Variants in TLR2 observed in about 807,000 individuals in gnomAD.
TLR2 encodes toll like receptor 2.
TLR2 carries 7 observed loss-of-function variants against 9.1 expected under a neutral mutation model. The observed-to-expected ratio is 0.77, with a 90% CI of 0.44 to 1.44. The LOEUF (loss-of-function observed/expected upper bound fraction) is 1.44, where lower values mean the gene tolerates loss of function less well. Ranked by LOEUF, TLR2 falls within the 40% of genes most tolerant of loss-of-function variation. The pLI, the probability that TLR2 is intolerant of heterozygous loss-of-function variation, is 0.01. For missense variants in TLR2, 812 were observed against 904.6 expected (o/e 0.90, Z 1.31); for synonymous variants, 317 against 344.6 (o/e 0.92, Z 0.89).
chr4:153,704,116 A>G lies in TLR2; in HGVS notation c.1209A>G (p.Glu403=), dbSNP rs1737139418. ...GGCAAAATCATTTGGCATCATTGGA[A>G]AAAACCGGAGAGACTTTGCTCACTC... ...ILRQNHLASL[E]KTGETLLTLK... The change falls in exon 3 of 3, where the codon GAA becomes GAG. Residue 403 remains glutamate (E), a synonymous_variant. Transcript: ENST00000642700. 2 of 1,614,052 alleles carry G rather than the reference A, an allele frequency of 1.2e-6. No individual in the cohort carries two copies. Among genetic ancestry groups the G allele is most frequent in the South Asian group, 1.1e-5 (1 of 91,036 alleles).
rs1737220901 is a variant in TLR2, at chr4:153,704,844, C to G, written c.1937C>G (p.Ser646Cys). The G allele has an allele frequency of 6.2e-7, 1 of 1,614,114 alleles. No homozygotes were observed. The highest frequency in any genetic ancestry group is 8.5e-7 in the Non-Finnish European group (1 of 1,180,024). ...AACATCTGCTATGATGCATTTGTTT[C>G]TTACAGTGAGCGGGATGCCTACTGG... Reference protein sequence around the residue: ...SRNICYDAFVSYSERDAYWVE... With the variant: ...SRNICYDAFVCYSERDAYWVE... Residue 646 changes from serine to cysteine, a missense_variant, in exon 3 of 3, where the codon TCT (serine) becomes TGT (cysteine). Physicochemically the swap from Ser to Cys is moderately radical, Grantham distance 112. Coordinates refer to ENST00000642700, the MANE Select transcript of TLR2 (RefSeq NM_001318789.2).
rs532965665 is a variant in TLR2, at chr4:153,685,163, T to C, written c.-163+803T>C. ...TCATTCTTAGGATGTGTGAGTTAGG[T>C]CTCTGATTAGAAAACAACTTACAGC... On this transcript the variant is annotated intron_variant, in intron 1 of 2. Coordinates refer to ENST00000642700, the MANE Select transcript of TLR2 (RefSeq NM_001318789.2). Among the ~76,000 whole-genome samples, 5 of 152,326 alleles carry C rather than the reference T, an allele frequency of 3.3e-5. No homozygotes were observed. The South Asian group carries it at 1.0e-3, about 32-fold the overall frequency.
intron 2 of TLR2, among the ~76,000 whole-genome samples, chr4:153,700,359 T>G (rs1249193702): frequency 6.6e-6 from 1 of 152,142 alleles, no homozygotes; most frequent in Non-Finnish European, 1.5e-5. Flanking sequence ...CGAATAGAAA[T>G]AAATCTCACA....
intron 2 of TLR2, among the ~76,000 whole-genome samples, chr4:153,692,749 A>G (rs1483956203): frequency 1.3e-5 from 2 of 152,150 alleles, no homozygotes; most frequent in Admixed American, 1.3e-4. Context: ...AGAAGTTATA[A>G]TTTTTTGTAT....
chr4:153,696,384 C>G (rs1366612857), intron 2 of TLR2, among the ~76,000 whole-genome samples: 1 of 152,030 alleles, frequency 6.6e-6, no homozygotes, highest in African/African-American at 2.4e-5. Context: ...TTTCTTTCAT[C>G]AGTGTTTATA....
intron 2 of TLR2, among the ~76,000 whole-genome samples, chr4:153,693,906 G>A (rs1227226643): frequency 1.3e-5 from 2 of 152,118 alleles, no homozygotes; most frequent in Non-Finnish European, 2.9e-5. Flanking sequence ...GAGTCCCCAC[G>A]TTGGGCGCCA....
In TLR2 at chr4:153,703,508, A is replaced by T. The variant is rs1447073592; in HGVS notation, c.601A>T (p.Ser201Cys). ...PKSLKSIQNV[S>C]HLILHMKQHI... ...AAGTTTGAAGTCAATTCAGAATGTAAGTCATCTGATCCTTCATATGAAGCA... is the reference window on the plus strand; with the variant it reads ...AAGTTTGAAGTCAATTCAGAATGTATGTCATCTGATCCTTCATATGAAGCA... Residue 201 changes from serine (S) to cysteine (C), a missense_variant, in exon 3 of 3, where the codon AGT (serine) becomes TGT (cysteine). Physicochemically the swap from Ser to Cys is moderately radical, Grantham distance 112. Transcript: ENST00000642700. The T allele has an allele frequency of 6.2e-7, 1 of 1,613,926 alleles. No homozygotes were observed. The highest frequency in any genetic ancestry group is 1.1e-5 in the South Asian group (1 of 91,020).
In TLR2 at chr4:153,700,971, G is replaced by C. The variant is rs78902846; in HGVS notation, c.-16-1921G>C. Among the ~76,000 whole-genome samples, 772 of 151,978 alleles carry C rather than the reference G, an allele frequency of 5.1e-3. 7 individuals carry two copies. Among genetic ancestry groups the C allele is most frequent in the African/African-American group, 0.018 (741 of 41,444 alleles). On this transcript the variant is annotated intron_variant, in intron 2 of 2. Coordinates refer to ENST00000642700, the MANE Select transcript of TLR2 (RefSeq NM_001318789.2). ...TCTGCTACCTCAAATATCAACCCCAGGTAGATTATAGATCTAAAAGTGAAA... is the reference window on the plus strand; with the variant it reads ...TCTGCTACCTCAAATATCAACCCCACGTAGATTATAGATCTAAAAGTGAAA...
downstream of TLR2, among the ~76,000 whole-genome samples, chr4:153,706,961 G>A (rs1379785380): frequency 2.0e-5 from 3 of 152,156 alleles, no homozygotes; most frequent in African/African-American, 4.8e-5. Flanking sequence ...AGAGTACCAC[G>A]CCTAAGAGAA....
rs1348215727 is a variant in TLR2 at position 153,684,318 on chromosome 4, GCTGCTCGGCGTTCTCTCAGGTGA to G, written c.-196_-174del. The G allele has an allele frequency of 3.8e-5, 4 of 104,778 alleles. No homozygotes were observed. The highest frequency in any genetic ancestry group is 1.2e-4 in the African/African-American group (3 of 25,072). 6.5% of individuals were successfully genotyped at this position (104,778 alleles called of 1,614,324 possible). On this transcript the variant is annotated 5_prime_UTR_variant, in exon 1 of 3. Coordinates refer to ENST00000642700, the MANE Select transcript of TLR2 (RefSeq NM_001318789.2). Reference sequence around the variant, plus strand: ...GGCAGCGAGAAAGCGCAGCCAGGCGGCTGCTCGGCGTTCTCTCAGGTGACTGCTCGGAGTTCTCCCAGGTACGT... The same window carrying G: ...GGCAGCGAGAAAGCGCAGCCAGGCGGCTGCTCGGAGTTCTCCCAGGTACGT...
At chr4:153,700,468 G>A (rs1043367022) in intron 2 of TLR2, among the ~76,000 whole-genome samples, 3 of 152,238 alleles carry the variant, frequency 2.0e-5, no homozygotes, top group Admixed American at 2.0e-4. Context: ...CTCATGGATT[G>A]GAAGATTCAA....
chr4:153,707,390 A>C (rs761233571), downstream of TLR2, among the ~76,000 whole-genome samples: 5 of 152,092 alleles, frequency 3.3e-5, no homozygotes, highest in African/African-American at 7.2e-5. Context: ...TCTACCAAAA[A>C]ATACAAAATA....
rs1737108338 is a variant in TLR2 at position 153,703,782 on chromosome 4, T to C, written c.875T>C (p.Val292Ala). The change falls in exon 3 of 3, where the codon GTT (valine) becomes GCT (alanine). Residue 292 changes from valine (V) to alanine (A), a missense_variant. Coordinates refer to ENST00000642700, the MANE Select transcript of TLR2 (RefSeq NM_001318789.2). ...LEFDDCTLNG[V>A]GNFRASDNDR... ...TTTGATGACTGTACCCTTAATGGAGTTGGTAATTTTAGAGCATCTGATAAT... is the reference window on the plus strand; with the variant it reads ...TTTGATGACTGTACCCTTAATGGAGCTGGTAATTTTAGAGCATCTGATAAT... 2 of 1,613,730 alleles carry C rather than the reference T, an allele frequency of 1.2e-6. No individual in the cohort carries two copies. The highest frequency in any genetic ancestry group is 1.7e-5 in the Admixed American group (1 of 59,966).
At chr4:153,689,101 C>T (rs988142858) in intron 2 of TLR2, among the ~76,000 whole-genome samples, 6 of 152,210 alleles carry the variant, frequency 3.9e-5, no homozygotes, top group African/African-American at 1.4e-4. Context: ...ACTCCAGTTC[C>T]TGGCATTAAG....
chr4:153,688,549 C>T (rs575116965), intron 2 of TLR2: 5 of 152,438 alleles, frequency 3.3e-5, no homozygotes, highest in East Asian at 1.9e-4. Flanking sequence ...TAAGCATTAT[C>T]GCTATAGATT....
At chr4:153,685,240 C>G (rs1294740998) in intron 1 of TLR2, among the ~76,000 whole-genome samples, 1 of 152,192 alleles carries the variant, frequency 6.6e-6, no homozygotes, top group Non-Finnish European at 1.5e-5. Context: ...GTGCCCTTTA[C>G]AACTTCTTCA....
In TLR2 at chr4:153,687,977, G is replaced by T. The variant is rs1030668235; in HGVS notation, c.-87G>T. ...ATAGTGACTCCCAGGAGCTCTTAGT[G>T]ACCAAGTGAAGGTACCTGTGGGGCT... On this transcript the variant is annotated 5_prime_UTR_variant, in exon 2 of 3. Coordinates refer to ENST00000642700, the MANE Select transcript of TLR2 (RefSeq NM_001318789.2). 6.6e-6 allele frequency: 1 copy of T among 152,356 alleles called. No homozygotes were observed. Among genetic ancestry groups the T allele is most frequent in the Admixed American group, 6.5e-5 (1 of 15,308 alleles). The allele number at this position is 152,356 out of a possible 1,614,324, so 9.4% of individuals were successfully genotyped here. A position where few individuals can be genotyped will look rare whatever the true frequency, so the allele number is the denominator to read the frequency against.
chr4:153,698,189 A>T (rs573578260), intron 2 of TLR2, among the ~76,000 whole-genome samples: 1 of 152,314 alleles, frequency 6.6e-6, no homozygotes, highest in African/African-American at 2.4e-5. Flanking sequence ...TGGACTGGGT[A>T]AGAATTTCCA....
intron 2 of TLR2, among the ~76,000 whole-genome samples, chr4:153,696,951 G>T (rs1388305195): frequency 6.6e-6 from 1 of 152,098 alleles, no homozygotes; most frequent in Non-Finnish European, 1.5e-5. Flanking sequence ...GGTAAGATGT[G>T]TTTTGGGTAA....
Sources: gnomAD v4.1 joint callset for allele counts (sites outside exome capture counted in the v4.1 genomes callset) on GRCh38, gnomAD v4.1.1 for gene constraint, MANE v1.5 for transcripts, NCBI Gene and HGNC (gene_info 2026-07-23, HGNC 2026-07-21) for gene names.